PRKAG2: variants seen among roughly 807,000 people sequenced by gnomAD.
PRKAG2 encodes the protein protein kinase AMP-activated non-catalytic subunit gamma 2.
In PRKAG2, 26 loss-of-function variants were observed where a neutral mutation model predicts 69.6. The ratio of observed to expected loss-of-function variants is 0.37; its 90% CI spans 0.27 to 0.52. PRKAG2 has a LOEUF of 0.52. Ranked by LOEUF, PRKAG2 falls within the 20% of genes least tolerant of loss-of-function variation. The pLI is 0.90. For synonymous variants in PRKAG2, 293 were observed against 285.0 expected, an observed-to-expected ratio of 1.03 and a Z score of -0.28; for missense variants, 557 against 740.0, an observed-to-expected ratio of 0.75 and a Z score of 2.87.
intron 9 of PRKAG2, among the ~76,000 whole-genome samples, chr7:151,570,990 C>T (rs555215120): frequency 4.3e-4 from 66 of 151,962 alleles, no homozygotes; most frequent in Non-Finnish European, 7.4e-4. Context: ...AGGCTGGTCT[C>T]GCACTCCTGA....
intron 4 of PRKAG2, among the ~76,000 whole-genome samples, chr7:151,635,624 T>C (rs7791563): frequency 0.14 from 21,915 of 152,094 alleles, 1,939 homozygotes; most frequent in African/African-American, 0.23. Context: ...ATTTATATTA[T>C]AGTCTTGAAA....
intron 1 of PRKAG2, among the ~76,000 whole-genome samples, chr7:151,859,745 A>G (rs773858659): frequency 5.3e-5 from 8 of 152,202 alleles, no homozygotes; most frequent in Non-Finnish European, 1.2e-4. Flanking sequence ...CTTGCCAGCC[A>G]TCCTCTTGTC....
At chr7:151,726,773 G>T (rs930987492) in intron 3 of PRKAG2, among the ~76,000 whole-genome samples, 2 of 152,154 alleles carry the variant, frequency 1.3e-5, no homozygotes, top group Non-Finnish European at 2.9e-5. Context: ...AGAGTATGGG[G>T]AGCTTCTGGG....
Position 151,632,098 on chromosome 7 carries a change from A to T in PRKAG2, c.725T>A (p.Met242Lys). The change falls in exon 5 of 16, where the codon ATG (methionine) becomes AAG (lysine). Residue 242 changes from methionine to lysine, a missense_variant. By Grantham distance (95) the Met-to-Lys change is moderately conservative. This residue lies in a region of PRKAG2 where 352 missense variants were observed against 356.7 expected (regional missense o/e 0.99). Transcript: ENST00000287878. The surrounding 1 kb of genome is among the most constrained non-coding windows in gnomAD (Gnocchi z 4.2). ...GTCCTCGAACTCCAGCTTCTCCAGC[A>T]TGCCGGCTTCCGCGGGTCCCAGGGC... The part of the protein sequence containing the change: ...AAALGPAEAG[M>K]LEKLEFEDEA... The T allele has an allele frequency of 7.1e-7, 1 of 1,416,744 alleles. No homozygotes were observed. The highest frequency in any genetic ancestry group is 9.3e-7 in the Non-Finnish European group (1 of 1,071,404). 87.8% of individuals were successfully genotyped at this position (1,416,744 alleles called of 1,614,324 possible). A position where few individuals can be genotyped will look rare whatever the true frequency, so the allele number is the denominator to read the frequency against.
chr7:151,824,009 G>T (rs2078853663), intron 1 of PRKAG2, among the ~76,000 whole-genome samples: 1 of 152,140 alleles, frequency 6.6e-6, no homozygotes, highest in Admixed American at 6.5e-5. Context: ...TGTGTGGGAG[G>T]CCCCCAGTTA....
intron 1 of PRKAG2, among the ~76,000 whole-genome samples, chr7:151,840,749 C>T (rs1262061649): frequency 1.3e-5 from 2 of 152,262 alleles, no homozygotes; most frequent in Non-Finnish European, 2.9e-5. Flanking sequence ...CCCAAGCCGG[C>T]CTGCTTCTGA....
At chr7:151,598,780 G>A (rs2151153346) in intron 5 of PRKAG2, among the ~76,000 whole-genome samples, 1 of 152,272 alleles carries the variant, frequency 6.6e-6, no homozygotes, top group South Asian at 2.1e-4. Context: ...TGGTAACAAT[G>A]TGGACAAATA....
chr7:151,591,964 G>T (rs986076019), intron 6 of PRKAG2, among the ~76,000 whole-genome samples: 4 of 152,120 alleles, frequency 2.6e-5, no homozygotes, highest in Non-Finnish European at 4.4e-5. Flanking sequence ...TGCAACCTGA[G>T]CTCCCCATCA....
intron 6 of PRKAG2, among the ~76,000 whole-genome samples, chr7:151,593,701 A>G (rs1813778752): frequency 6.6e-6 from 1 of 152,074 alleles, no homozygotes; most frequent in African/African-American, 2.4e-5. Flanking sequence ...ACAACTGCCT[A>G]CTGTTTTCCC....
chr7:151,594,321 T>A (rs1813922426), intron 6 of PRKAG2, among the ~76,000 whole-genome samples: 1 of 152,242 alleles, frequency 6.6e-6, no homozygotes, highest in South Asian at 2.1e-4. Flanking sequence ...AGGACAATCC[T>A]ACTTGGAAAA....
At chr7:151,682,310 G>T (rs781146754) in intron 3 of PRKAG2, among the ~76,000 whole-genome samples, 1 of 151,784 alleles carries the variant, frequency 6.6e-6, no homozygotes, top group Admixed American at 6.6e-5. Flanking sequence ...GTATGATCAC[G>T]GCTCACTGCA....
intron 3 of PRKAG2, among the ~76,000 whole-genome samples, chr7:151,724,712 G>GGAGCAGCCGCTTGCCCGCCCCACAA (rs370512525): frequency 0.019 from 2,869 of 152,182 alleles, 79 homozygotes; most frequent in African/African-American, 0.066. Context: ...CTCCCTAGCC[G>GGAGCAGCCGCTTGCCCGCCCCACAA]GAGCAGCCGC....
At chr7:151,695,429 C>A (rs1836445109) in intron 3 of PRKAG2, among the ~76,000 whole-genome samples, 1 of 152,044 alleles carries the variant, frequency 6.6e-6, no homozygotes, top group Admixed American at 6.5e-5. Flanking sequence ...AGAGCATGAG[C>A]CCAGCCAGAA....
chr7:151,718,439 G>T (rs993556499), intron 3 of PRKAG2, among the ~76,000 whole-genome samples: 4 of 151,998 alleles, frequency 2.6e-5, no homozygotes, highest in African/African-American at 9.7e-5. Context: ...CGGGGGACAC[G>T]ATCTGGTCCA....
intron 3 of PRKAG2, among the ~76,000 whole-genome samples, chr7:151,754,797 C>A (rs1051554594): frequency 6.6e-6 from 1 of 151,630 alleles, no homozygotes; most frequent in Non-Finnish European, 1.5e-5. Flanking sequence ...GCACCTCACT[C>A]CCCAGCACTT....
intron 11 of PRKAG2, among the ~76,000 whole-genome samples, chr7:151,566,869 C>T (rs1426493320): frequency 6.6e-6 from 1 of 152,104 alleles, no homozygotes; most frequent in Admixed American, 6.5e-5. Flanking sequence ...AAAAATCAGG[C>T]TCTGAAATGT....
At chr7:151,704,311 A>G (rs1308271166) in intron 3 of PRKAG2, among the ~76,000 whole-genome samples, 3 of 152,170 alleles carry the variant, frequency 2.0e-5, no homozygotes, top group African/African-American at 7.2e-5. Context: ...CTTTCTAACT[A>G]ATCTTCATGA....
In PRKAG2 at chr7:151,835,135, C is replaced by CA. The variant is rs2079118824; in HGVS notation, c.114+41371dup. Among the ~76,000 whole-genome samples the CA allele has an allele frequency of 6.6e-6, 1 of 152,302 alleles. No individual in the cohort carries two copies. The highest frequency in any genetic ancestry group is 6.5e-5 in the Admixed American group (1 of 15,300). ...CTGTTTCCAAAAGAGGTCACATTCA[C>CA]AGGTACAGAGGGTTAGGATTTGGAC... On this transcript the variant is annotated intron_variant, in intron 1 of 15. Coordinates refer to ENST00000287878, the MANE Select transcript of PRKAG2 (RefSeq NM_016203.4). The surrounding 1 kb of genome is among the most constrained non-coding windows in gnomAD (Gnocchi z 4.1).
intron 3 of PRKAG2, among the ~76,000 whole-genome samples, chr7:151,700,386 C>T (rs1324180366): frequency 6.6e-6 from 1 of 151,918 alleles, no homozygotes; most frequent in Non-Finnish European, 1.5e-5. Flanking sequence ...CCACCCCAGA[C>T]CTACGGAGCC....
Sources: gnomAD v4.1 joint callset for allele counts (sites outside exome capture counted in the v4.1 genomes callset) on GRCh38, gnomAD v4.1.1 for gene constraint, gnomAD v4.1.1 regional missense constraint, Gnocchi (gnomAD v3.1) non-coding constraint, MANE v1.5 for transcripts, NCBI Gene and HGNC (gene_info 2026-07-23, HGNC 2026-07-21) for gene names.